The following ADGRL2 variants were observed in gnomAD, a reference collection of about 807,000 sequenced individuals.
ADGRL2 encodes the protein calcium-independent alpha-latrotoxin receptor 2.
A neutral mutation model predicts 157.4 loss-of-function variants in ADGRL2; 44 were observed. That is an observed-to-expected ratio of 0.28 (90% CI 0.22 to 0.36). ADGRL2 has a LOEUF of 0.36. Ranked by LOEUF, ADGRL2 falls within the 10% of genes least tolerant of loss-of-function variation. ADGRL2 has a pLI of 1.00. For synonymous variants in ADGRL2, 585 were observed against 624.7 expected (o/e 0.94, Z 0.95); for missense variants, 1,510 against 1,768.9 (o/e 0.85, Z 2.63).
chr1:81,843,766 C>T lies in ADGRL2; in HGVS notation c.73+6709C>T, dbSNP rs11809137. Among the ~76,000 whole-genome samples the T allele has an allele frequency of 6.2e-4, 95 of 152,248 alleles. 1 individual carries two copies. Among genetic ancestry groups the T allele is most frequent in the African/African-American group, 2.3e-3 (94 of 41,558 alleles). On this transcript the variant is annotated intron_variant, in intron 2 of 23. Transcript: ENST00000686636. ...TTTTCAAAAGTAAATTTGAATTATACTTTGGTCATCTTATATACCAATATT... is the reference window on the plus strand; with the variant it reads ...TTTTCAAAAGTAAATTTGAATTATATTTTGGTCATCTTATATACCAATATT...
intron 2 of ADGRL2, among the ~76,000 whole-genome samples, chr1:81,893,075 G>A (rs2094304071): frequency 6.6e-6 from 1 of 152,082 alleles, no homozygotes; most frequent in Non-Finnish European, 1.5e-5. Flanking sequence ...ATTTTTCAGT[G>A]CCTGGGTTCT....
At chr1:81,329,440 T>A (rs1484815185) in intron 1 of ADGRL2, among the ~76,000 whole-genome samples, 1 of 152,116 alleles carries the variant, frequency 6.6e-6, no homozygotes, top group African/African-American at 2.4e-5. Context: ...AGAATAAATA[T>A]TAGGTGAACA....
intron 2 of ADGRL2, among the ~76,000 whole-genome samples, chr1:81,491,971 G>A (rs1233170833): frequency 1.3e-5 from 2 of 152,104 alleles, no homozygotes; most frequent in Non-Finnish European, 2.9e-5. Context: ...ATGTAGTTAA[G>A]CACAAAGAAT....
chr1:81,674,028 T>C (rs945019727), intron 3 of ADGRL2, among the ~76,000 whole-genome samples: 1 of 152,184 alleles, frequency 6.6e-6, no homozygotes, highest in Non-Finnish European at 1.5e-5. Context: ...ATCTGAGTCC[T>C]GGCAACATTT....
intron 1 of ADGRL2, among the ~76,000 whole-genome samples, chr1:81,737,011 T>G (rs999913246): frequency 6.6e-6 from 1 of 152,026 alleles, no homozygotes; most frequent in Admixed American, 6.6e-5. Context: ...ATTTTTTGTA[T>G]TTTTAGTAGA....
intron 21 of ADGRL2, among the ~76,000 whole-genome samples, chr1:81,986,204 T>G (rs1663098431): frequency 6.6e-6 from 1 of 152,110 alleles, no homozygotes; most frequent in Non-Finnish European, 1.5e-5. Flanking sequence ...TTTCTTCTGT[T>G]GCTTTGGTAT....
At chr1:81,714,547 AC>A (rs1557589529) in intron 1 of ADGRL2, among the ~76,000 whole-genome samples, 1 of 152,190 alleles carries the variant, frequency 6.6e-6, no homozygotes, top group Non-Finnish European at 1.5e-5. Flanking sequence ...AGAGTAAAAA[AC>A]ATGCATCATT....
chr1:81,828,228 T>C (rs527756108), intron 1 of ADGRL2, among the ~76,000 whole-genome samples: 1 of 152,232 alleles, frequency 6.6e-6, no homozygotes, highest in Admixed American at 6.5e-5. Context: ...CATATCACTC[T>C]TAAAGCCTAA....
At chr1:81,720,127 A>T (rs1042214425) in intron 1 of ADGRL2, among the ~76,000 whole-genome samples, 17 of 152,026 alleles carry the variant, frequency 1.1e-4, no homozygotes, top group East Asian at 1.9e-4. Flanking sequence ...CAGACATTTT[A>T]AAAAAAGTAG....
At chr1:81,540,074 C>T (rs1444177918) in intron 2 of ADGRL2, among the ~76,000 whole-genome samples, 3 of 152,092 alleles carry the variant, frequency 2.0e-5, no homozygotes, top group African/African-American at 7.2e-5. Flanking sequence ...TCAGGCAGGT[C>T]ATTTAACTTC....
intron 3 of ADGRL2, among the ~76,000 whole-genome samples, chr1:81,603,561 C>G (rs1403136215): frequency 1.3e-5 from 2 of 152,190 alleles, no homozygotes; most frequent in Non-Finnish European, 2.9e-5. Context: ...TTTAAAACTG[C>G]AAACTTTTAC....
intron 1 of ADGRL2, among the ~76,000 whole-genome samples, chr1:81,403,152 T>A (rs939657759): frequency 1.3e-5 from 2 of 152,014 alleles, no homozygotes; most frequent in Admixed American, 6.6e-5. Context: ...ATGACCTTGG[T>A]AACAACAATT....
intron 1 of ADGRL2, among the ~76,000 whole-genome samples, chr1:81,760,374 T>C (rs1225103584): frequency 6.6e-6 from 1 of 152,120 alleles, no homozygotes; most frequent in African/African-American, 2.4e-5. Context: ...TTAGTAGTTT[T>C]GATAGTCAAC....
chr1:81,648,548 A>T (rs2148828520), intron 3 of ADGRL2, among the ~76,000 whole-genome samples: 1 of 152,340 alleles, frequency 6.6e-6, no homozygotes, highest in Admixed American at 6.5e-5. Flanking sequence ...TCATGCCCAG[A>T]TGCCATGGTT....
chr1:81,433,938 A>C (rs979493051), intron 1 of ADGRL2, among the ~76,000 whole-genome samples: 1 of 152,170 alleles, frequency 6.6e-6, no homozygotes, highest in East Asian at 1.9e-4. Flanking sequence ...GACTCTGTTG[A>C]CACCTGGCCT....
chr1:81,381,077 T>A (rs1203332199), intron 1 of ADGRL2, among the ~76,000 whole-genome samples: 2 of 152,104 alleles, frequency 1.3e-5, no homozygotes, highest in African/African-American at 4.8e-5. Flanking sequence ...TTGTAATTTT[T>A]CTTTATATAT....
At chr1:81,439,496 A>G (rs774374050) in intron 1 of ADGRL2, among the ~76,000 whole-genome samples, 1 of 152,144 alleles carries the variant, frequency 6.6e-6, no homozygotes, top group Non-Finnish European at 1.5e-5. Flanking sequence ...TACTCCCTCT[A>G]TTAGGCATGC....
chr1:81,636,995 C>T (rs571471134), intron 3 of ADGRL2, among the ~76,000 whole-genome samples: 2 of 152,252 alleles, frequency 1.3e-5, no homozygotes, highest in Admixed American at 1.3e-4. Flanking sequence ...GCCACCACAT[C>T]TGGCTAATTT....
chr1:81,824,067 C>G (rs2149925348), intron 1 of ADGRL2, among the ~76,000 whole-genome samples: 1 of 152,110 alleles, frequency 6.6e-6, no homozygotes, highest in South Asian at 2.1e-4. Context: ...CCATAAGGAG[C>G]ACTTACTCTC....
Sources: allele counts gnomAD v4.1 joint callset (sites outside exome capture counted in the v4.1 genomes callset), GRCh38; gene constraint gnomAD v4.1.1; transcripts MANE v1.5; gene names NCBI Gene and HGNC (gene_info 2026-07-23, HGNC 2026-07-21).